Variants in INTS7 observed in about 807,000 individuals in gnomAD.
The protein encoded by INTS7 is integrator complex subunit 7.
A neutral mutation model predicts 109.2 loss-of-function variants in INTS7; 46 were observed. That is an observed-to-expected ratio of 0.42 (90% CI 0.33 to 0.54). The LOEUF is 0.54. INTS7 is among the 20% of genes least tolerant of loss of function. The pLI, the probability that INTS7 is intolerant of heterozygous loss-of-function variation, is 0.07. For synonymous variants in INTS7, 412 were observed against 402.9 expected, an observed-to-expected ratio of 1.02 and a Z score of -0.27; for missense variants, 929 against 1,132.4, an observed-to-expected ratio of 0.82 and a Z score of 2.58.
At position 211,968,671 on chromosome 1, in the gene INTS7, A is replaced by G; in HGVS notation, c.1852T>C (p.Cys618Arg). Residue 618 changes from cysteine to arginine, a missense_variant, in exon 14 of 20, where the codon TGT (cysteine) becomes CGT (arginine). This residue lies in a region of INTS7 where 787 missense variants were observed against 901.1 expected (regional missense o/e 0.87). Coordinates refer to ENST00000366994, the MANE Select transcript of INTS7 (RefSeq NM_015434.4). ...TCAATCCTGAGTTTTACAAATTCACACTGAAAGCTTAAAGGATTCAGTGGT... is the reference window on the plus strand; with the variant it reads ...TCAATCCTGAGTTTTACAAATTCACGCTGAAAGCTTAAAGGATTCAGTGGT... ...STPLNPLSFQ[C>R]EFVKLRIDLL... 3 of 1,613,568 alleles carry G rather than the reference A, an allele frequency of 1.9e-6. No individual in the cohort carries two copies. Among genetic ancestry groups the G allele is most frequent in the Non-Finnish European group, 2.5e-6 (3 of 1,179,852 alleles).
chr1:212,021,988 T>C (rs753798131), intron 1 of INTS7, among the ~76,000 whole-genome samples: 5 of 152,148 alleles, frequency 3.3e-5, no homozygotes, highest in South Asian at 2.1e-4. Flanking sequence ...ATTTATAACA[T>C]TGAAGGTTTA....
At chr1:211,961,249 C>T (rs888427093) in intron 16 of INTS7, among the ~76,000 whole-genome samples, 4 of 151,790 alleles carry the variant, frequency 2.6e-5, no homozygotes, top group Non-Finnish European at 5.9e-5. Context: ...CAGTAAGATA[C>T]TTCACAAGGT....
In INTS7 at chr1:211,975,448, C is replaced by T. The variant is rs1323842447; in HGVS notation, c.1609-76G>A. 7.1e-6 allele frequency: 8 copies of T among 1,119,288 alleles called. No individual in the cohort carries two copies. The Admixed American group carries it at 1.6e-4, about 22-fold the overall frequency. The allele number at this position is 1,119,288 out of a possible 1,614,324, so 69.3% of individuals were successfully genotyped here. On this transcript the variant is annotated intron_variant, in intron 12 of 19. Transcript: ENST00000366994. ...GTTCTTACATTTGAAAGAGTTGATG[C>T]AGCAGCTAAAAGAGAAACCCAAACC...
At chr1:211,976,772 C>A in intron 11 of INTS7, 53 bp from the exon 12 acceptor site, 2 of 1,564,656 alleles carry the variant, frequency 1.3e-6, no homozygotes, top group South Asian at 1.1e-5. Context: ...TATTCAGTGT[C>A]ATTGATAACC....
chr1:212,035,135 A>T (rs1011705079), intron 1 of INTS7, among the ~76,000 whole-genome samples: 1 of 152,216 alleles, frequency 6.6e-6, no homozygotes, highest in Non-Finnish European at 1.5e-5. Flanking sequence ...CTACTTGTTT[A>T]GCCGGTATAA....
intron 1 of INTS7, among the ~76,000 whole-genome samples, chr1:212,027,475 A>AAAAAAC (rs1433761069): frequency 2.6e-5 from 4 of 152,204 alleles, no homozygotes; most frequent in African/African-American, 9.6e-5. Context: ...TTCCACCAAA[A>AAAAAAC]AAAAACAAAA....
rs559732050 is a variant in INTS7 at position 212,016,352 on chromosome 1, G to A, written c.509+534C>T. On this transcript the variant is annotated intron_variant, in intron 4 of 19. Coordinates refer to ENST00000366994, the MANE Select transcript of INTS7 (RefSeq NM_015434.4). ...CTGTATTTTCTTTTACAGAAGAGAA[G>A]CCAATCAAACATAGTAATAAAACCA... Among the ~76,000 whole-genome samples, 16 of 152,286 alleles carry A rather than the reference G, an allele frequency of 1.1e-4. 1 individual carries two copies. The highest frequency in any genetic ancestry group is 3.8e-4 in the African/African-American group (16 of 41,568).
At position 211,986,903 on chromosome 1, in the gene INTS7, C is replaced by T. The variant is rs115165794; in HGVS notation, c.997+983G>A. Among the ~76,000 whole-genome samples the T allele has an allele frequency of 3.1e-3, 470 of 152,248 alleles. 1 individual carries two copies. The highest frequency in any genetic ancestry group is 4.7e-3 in the Non-Finnish European group (318 of 68,014). ...CACCTAGAAAGTATCATATACTATG[C>T]GGCCATAAAAGGGACAAACAAATGT... On this transcript the variant is annotated intron_variant, in intron 8 of 19. Transcript: ENST00000366994.
chr1:211,970,192 G>T (rs1664108658), intron 13 of INTS7, among the ~76,000 whole-genome samples: 1 of 152,202 alleles, frequency 6.6e-6, no homozygotes, highest in South Asian at 2.1e-4. Flanking sequence ...TTTCAATGAG[G>T]ATGGAGGGGT....
rs781419646 is a variant in INTS7 at position 211,946,586 on chromosome 1, T to G, written c.2415+21A>C. ...CCTGGTTTTAAAACCTATATTAACCTTAGTATTCTTCCTGTATTACCTTGA... is the reference window on the plus strand; with the variant it reads ...CCTGGTTTTAAAACCTATATTAACCGTAGTATTCTTCCTGTATTACCTTGA... On this transcript the variant is annotated intron_variant, in intron 18 of 19. Transcript: ENST00000366994. This position sits in a 1 kb window ranked among gnomAD's most constrained non-coding sequence, Gnocchi z 4.3. The G allele has an allele frequency of 2.1e-6, 3 of 1,401,950 alleles. No individual in the cohort carries two copies. The South Asian group carries it at 3.5e-5, about 16-fold the overall frequency. 86.8% of individuals were successfully genotyped at this position (1,401,950 alleles called of 1,614,324 possible). A position where few individuals can be genotyped will look rare whatever the true frequency, so the allele number is the denominator to read the frequency against.
In INTS7 at chr1:212,004,965, G is replaced by C. The variant is rs11119832; in HGVS notation, c.879+1674C>G. Among the ~76,000 whole-genome samples, 724 of 152,230 alleles carry C rather than the reference G, an allele frequency of 4.8e-3. 7 individuals carry two copies. Among genetic ancestry groups the C allele is most frequent in the African/African-American group, 0.017 (690 of 41,526 alleles). On this transcript the variant is annotated intron_variant, in intron 7 of 19. Coordinates refer to ENST00000366994, the MANE Select transcript of INTS7 (RefSeq NM_015434.4). ...AATGTAAACTGGTTCATTGACTTTG[G>C]AAAACAGTTTGACATCATCTGTTAA...
intron 16 of INTS7, among the ~76,000 whole-genome samples, chr1:211,963,958 C>A (rs1663759053): frequency 1.3e-5 from 2 of 152,200 alleles, no homozygotes; most frequent in South Asian, 4.1e-4. Flanking sequence ...TCTCTCACCA[C>A]TCCTATTCAA....
At chr1:211,969,005 C>A (rs1664036279) in intron 13 of INTS7, among the ~76,000 whole-genome samples, 1 of 152,124 alleles carries the variant, frequency 6.6e-6, no homozygotes, top group Non-Finnish European at 1.5e-5. Flanking sequence ...ATAATCACGG[C>A]CAGGTGCGGT....
chr1:211,974,274 A>T (rs12036986), intron 13 of INTS7, among the ~76,000 whole-genome samples: 38,459 of 72,848 alleles, frequency 0.53, 8,163 homozygotes, highest in South Asian at 0.59. Flanking sequence ...CCAGAAAAAA[A>T]AAATATATAT....
At chr1:212,012,186 C>T (rs1474533345) in intron 4 of INTS7, among the ~76,000 whole-genome samples, 3 of 151,686 alleles carry the variant, frequency 2.0e-5, no homozygotes, top group Non-Finnish European at 2.9e-5. Context: ...CCCCTGAAAG[C>T]GTGTGAGTTT....
In INTS7 at chr1:211,968,623, G is replaced by A; in HGVS notation, c.1900C>T (p.Leu634Phe). 4 of 1,613,524 alleles carry A rather than the reference G, an allele frequency of 2.5e-6. No homozygotes were observed. The highest frequency in any genetic ancestry group is 1.1e-5 in the South Asian group (1 of 91,054). ...TTCAGGCTATTACAAGTACAGATAA[G>A]TTGAGAGAAGGCTTGTAAAAGGTCA... ...RIDLLQAFSQ[L>F]ICTCNSLKTS... The change falls in exon 14 of 20, where the codon CTT becomes TTT. Residue 634 changes from leucine (L) to phenylalanine (F), a missense_variant. Transcript: ENST00000366994.
At position 211,946,561 on chromosome 1, in the gene INTS7, CCTG is replaced by C; in HGVS notation, c.2415+43_2415+45del. 2 of 1,112,166 alleles carry C rather than the reference CCTG, an allele frequency of 1.8e-6. No individual in the cohort carries two copies. The highest frequency in any genetic ancestry group is 2.6e-5 in the South Asian group (2 of 77,750). The allele number at this position is 1,112,166 out of a possible 1,614,324, so 68.9% of individuals were successfully genotyped here. On this transcript the variant is annotated intron_variant, in intron 18 of 19. Coordinates refer to ENST00000366994, the MANE Select transcript of INTS7 (RefSeq NM_015434.4). This position sits in a 1 kb window ranked among gnomAD's most constrained non-coding sequence, Gnocchi z 4.3. Reference sequence around the variant, plus strand: ...TGTCCTACATAATCTTCAGAAGACACCTGGTTTTAAAACCTATATTAACCTTAG... The same window carrying C: ...TGTCCTACATAATCTTCAGAAGACACGTTTTAAAACCTATATTAACCTTAG...
intron 7 of INTS7, among the ~76,000 whole-genome samples, chr1:211,992,569 G>C (rs1355006825): frequency 2.0e-5 from 3 of 152,100 alleles, no homozygotes; most frequent in African/African-American, 4.8e-5. Context: ...TGTAGTCCTA[G>C]CTACTTGGGA....
intron 16 of INTS7, among the ~76,000 whole-genome samples, chr1:211,961,694 G>A (rs1183064947): frequency 6.6e-6 from 1 of 152,096 alleles, no homozygotes; most frequent in East Asian, 1.9e-4. Context: ...CTCCCAAAGT[G>A]CTAGGATTAC....
Sources: allele counts gnomAD v4.1 joint callset (sites outside exome capture counted in the v4.1 genomes callset), GRCh38; gene constraint gnomAD v4.1.1; regional missense constraint gnomAD v4.1.1; non-coding constraint Gnocchi (gnomAD v3.1); transcripts MANE v1.5; gene names NCBI Gene and HGNC (gene_info 2026-07-23, HGNC 2026-07-21).